The following IL5RA variants were observed in gnomAD, a reference collection of about 807,000 sequenced individuals.
IL5RA encodes interleukin 5 receptor subunit alpha.
Under a neutral mutation model 50.0 loss-of-function variants are expected in IL5RA, and 49 were observed. The ratio of observed to expected loss-of-function variants is 0.98; its 90% CI spans 0.78 to 1.24. The LOEUF (loss-of-function observed/expected upper bound fraction) is 1.24, where lower values mean the gene tolerates loss of function less well. Ranked by LOEUF, IL5RA falls within the 50% of genes most tolerant of loss-of-function variation. The probability of loss-of-function intolerance (pLI) is 0.00; values close to 1 mark genes in which losing one functional copy is unlikely to be tolerated. For missense variants in IL5RA, 600 were observed against 500.4 expected, an observed-to-expected ratio of 1.20 and a Z score of -1.90; for synonymous variants, 202 against 174.0, an observed-to-expected ratio of 1.16 and a Z score of -1.26.
intron 8 of IL5RA, among the ~76,000 whole-genome samples, chr3:3,093,350 G>A (rs1445991782): frequency 1.3e-5 from 2 of 152,092 alleles, no homozygotes; most frequent in East Asian, 3.9e-4. Flanking sequence ...GGCTTGTGAT[G>A]GGCTAAATAC....
At position 3,075,283 on chromosome 3, in the gene IL5RA, A is replaced by G. The variant is rs116382133; in HGVS notation, c.1092-417T>C. Among the ~76,000 whole-genome samples the G allele has an allele frequency of 4.6e-3, 644 of 139,932 alleles. 2 individuals carry two copies. Among genetic ancestry groups the G allele is most frequent in the African/African-American group, 0.017 (622 of 36,478 alleles). 91.8% of individuals were successfully genotyped at this position (139,932 alleles called of 152,430 possible). On this transcript the variant is annotated intron_variant, in intron 10 of 11. Transcript: ENST00000446632. The stretch of plus-strand genomic sequence containing the variant: ...AGTGGCGCCATCGTGGCTTATTGCA[A>G]TCTCCACCTCTCGGGCTCAAGCAAT...
intron 9 of IL5RA, among the ~76,000 whole-genome samples, chr3:3,082,080 A>T (rs993422950): frequency 1.3e-5 from 2 of 152,228 alleles, no homozygotes; most frequent in Non-Finnish European, 2.9e-5. Flanking sequence ...TGCAAAAAAA[A>T]ATGCCAGTAC....
chr3:3,083,210 T>C (rs749470813), intron 9 of IL5RA, among the ~76,000 whole-genome samples: 5 of 152,150 alleles, frequency 3.3e-5, no homozygotes, highest in Non-Finnish European at 7.3e-5. Context: ...GCAGACCTTT[T>C]GGGTGAGTGA....
intron 3 of IL5RA, 82 bp downstream of exon 3, chr3:3,104,821 C>A: frequency 2.5e-6 from 2 of 808,734 alleles, no homozygotes; most frequent in South Asian, 1.7e-5. Context: ...TTCTAATCGA[C>A]AGTTTAAGAG....
chr3:3,099,093 G>A (rs1029557899), intron 5 of IL5RA, among the ~76,000 whole-genome samples: 2 of 152,194 alleles, frequency 1.3e-5, no homozygotes. Flanking sequence ...AATTACATAG[G>A]TTGCTGCTCA....
intron 3 of IL5RA, 96 bp from the exon 4 acceptor site, chr3:3,102,916 G>A: frequency 1.1e-6 from 1 of 951,148 alleles, no homozygotes; most frequent in Non-Finnish European, 1.5e-6. Flanking sequence ...TGCAGATGCT[G>A]TCCTGGACCT....
intron 2 of IL5RA, among the ~76,000 whole-genome samples, chr3:3,106,258 T>C (rs1029045097): frequency 3.9e-5 from 6 of 152,210 alleles, no homozygotes; most frequent in Admixed American, 1.3e-4. Flanking sequence ...CTTGGTATTT[T>C]CCAAATATAA....
At chr3:3,071,575 GTGTGTGTGTGTGTGTGT>G (rs1702297721) in intron 11 of IL5RA, among the ~76,000 whole-genome samples, 1 of 146,544 alleles carries the variant, frequency 6.8e-6, no homozygotes, top group African/African-American at 2.6e-5. Context: ...GTGTGTGTGT[GTGTGTGTGTGTGTGTGT>G]GTGTATTTTT....
intron 9 of IL5RA, among the ~76,000 whole-genome samples, chr3:3,090,969 C>G (rs1366466059): frequency 6.6e-6 from 1 of 152,152 alleles, no homozygotes; most frequent in Non-Finnish European, 1.5e-5. Context: ...AAATGTGCCC[C>G]TTCATCCATA....
Position 3,095,421 on chromosome 3 carries a change from C to T in IL5RA, c.733G>A (p.Val245Ile). The T allele has an allele frequency of 6.2e-7, 1 of 1,611,302 alleles. No homozygotes were observed. Among genetic ancestry groups the T allele is most frequent in the Non-Finnish European group, 8.5e-7 (1 of 1,179,054 alleles). Residue 245 changes from valine to isoleucine, a missense_variant, in exon 8 of 12, where the codon GTC (valine) becomes ATC (isoleucine). Val to Ile is a conservative substitution (Grantham distance 29). Transcript: ENST00000446632. ...CGAGTTCCTTCAATCTCTGCTGTGA[C>T]ATTCAGTGGAGGATTTATTTGATCT... Reference protein sequence around the residue: ...AIDQINPPLNVTAEIEGTRLS... With the variant: ...AIDQINPPLNITAEIEGTRLS...
At chr3:3,107,350 G>A (rs183590933) in intron 2 of IL5RA, among the ~76,000 whole-genome samples, 1 of 147,374 alleles carries the variant, frequency 6.8e-6, no homozygotes. Context: ...CTCACTCTCT[G>A]TGGCCCCTTA....
At chr3:3,109,510 A>G (rs1704083575) in intron 1 of IL5RA, among the ~76,000 whole-genome samples, 1 of 152,170 alleles carries the variant, frequency 6.6e-6, no homozygotes, top group South Asian at 2.1e-4. Context: ...TAATTGCATA[A>G]TTATCTGGAG....
At chr3:3,105,497 T>C (rs550802620) in intron 2 of IL5RA, 11 of 152,256 alleles carry the variant, frequency 7.2e-5, no homozygotes, top group African/African-American at 2.6e-4. Context: ...TAAAGATGAG[T>C]GAACATGACA....
chr3:3,105,089 A>G, intron 2 of IL5RA, 102 bp from the exon 3 acceptor site: 1 of 728,220 alleles, frequency 1.4e-6, no homozygotes, highest in Non-Finnish European at 2.4e-6. Flanking sequence ...GCCATTTAAC[A>G]GACATTTATG....
chr3:3,086,700 C>G (rs916546329), intron 9 of IL5RA, among the ~76,000 whole-genome samples: 2 of 152,034 alleles, frequency 1.3e-5, no homozygotes, highest in Admixed American at 6.6e-5. Flanking sequence ...AATTGTAGGC[C>G]TCATTTAGTT....
At chr3:3,075,710 A>C (rs1003198825) in intron 10 of IL5RA, among the ~76,000 whole-genome samples, 5 of 150,442 alleles carry the variant, frequency 3.3e-5, no homozygotes, top group Non-Finnish European at 7.4e-5. Flanking sequence ...AAGTGATTCT[A>C]CTGCCTCAGC....
At chr3:3,098,397 A>C (rs1180319770) in intron 5 of IL5RA, 107 bp from the exon 6 acceptor site, 1 of 946,302 alleles carries the variant, frequency 1.1e-6, no homozygotes, top group East Asian at 2.5e-5. Flanking sequence ...TCACCAAAAA[A>C]TAATCATCTT....
intron 6 of IL5RA, 30 bp from the exon 7 acceptor site, chr3:3,098,087 G>T: frequency 3.7e-6 from 6 of 1,614,006 alleles, no homozygotes; most frequent in Non-Finnish European, 5.1e-6. Flanking sequence ...AGTGTTATGA[G>T]GTTGCAGGAA....
chr3:3,075,365 G>A (rs145673236), intron 10 of IL5RA, among the ~76,000 whole-genome samples: 117 of 151,940 alleles, frequency 7.7e-4, no homozygotes, highest in African/African-American at 2.5e-3. Context: ...ACTGCGCTCA[G>A]CTAATTTTTG....
Sources: allele counts gnomAD v4.1 joint callset (sites outside exome capture counted in the v4.1 genomes callset), GRCh38; gene constraint gnomAD v4.1.1; transcripts MANE v1.5; gene names NCBI Gene and HGNC (gene_info 2026-07-23, HGNC 2026-07-21).